The following CSMD1 variants were observed in gnomAD, a reference collection of about 807,000 sequenced individuals.
CSMD1 encodes the protein CUB and Sushi multiple domains 1, also known as CUB and sushi domain-containing protein 1.
CSMD1 carries 213 observed loss-of-function variants against 417.5 expected under a neutral mutation model. The observed-to-expected ratio is 0.51, with a 90% CI of 0.46 to 0.57. The LOEUF (loss-of-function observed/expected upper bound fraction) is 0.57, where lower values mean the gene tolerates loss of function less well. CSMD1 is among the 20% of genes least tolerant of loss of function. The probability of loss-of-function intolerance (pLI) is 0.00; values close to 1 mark genes in which losing one functional copy is unlikely to be tolerated. For missense variants in CSMD1, 6,923 were observed against 4,529.7 expected, an observed-to-expected ratio of 1.53 and a Z score of -15.17; for synonymous variants, 2,862 against 1,736.8, an observed-to-expected ratio of 1.65 and a Z score of -16.11.
chr8:3,926,586 C>A (rs750651578), intron 5 of CSMD1, among the ~76,000 whole-genome samples: 1 of 151,332 alleles, frequency 6.6e-6, no homozygotes, highest in Non-Finnish European at 1.5e-5. Context: ...ACATTTATTT[C>A]TGGTTAATTT....
intron 1 of CSMD1, among the ~76,000 whole-genome samples, chr8:4,853,576 G>A (rs1396685407): frequency 6.6e-6 from 1 of 152,224 alleles, no homozygotes; most frequent in African/African-American, 2.4e-5. Flanking sequence ...CAAAGGTAGA[G>A]TCCCACACAG....
intron 12 of CSMD1, among the ~76,000 whole-genome samples, chr8:3,439,131 A>C (rs1232512773): frequency 1.6e-5 from 2 of 123,634 alleles, no homozygotes; most frequent in African/African-American, 7.0e-5. Flanking sequence ...TCAAAAAAAA[A>C]AAAAAAAAAA....
intron 2 of CSMD1, among the ~76,000 whole-genome samples, chr8:4,628,889 C>A (rs1417271683): frequency 2.0e-5 from 3 of 152,058 alleles, no homozygotes; most frequent in Non-Finnish European, 2.9e-5. Flanking sequence ...TTTTTACACG[C>A]CTTTTATTAA....
At chr8:4,359,390 A>G in intron 3 of CSMD1, among the ~76,000 whole-genome samples, 1 of 152,222 alleles carries the variant, frequency 6.6e-6, no homozygotes, top group Non-Finnish European at 1.5e-5. Flanking sequence ...GTTTAAACTC[A>G]CAATAACATA....
At chr8:3,079,320 T>A (rs887066191) in intron 49 of CSMD1, among the ~76,000 whole-genome samples, 2 of 152,178 alleles carry the variant, frequency 1.3e-5, no homozygotes, top group Admixed American at 6.5e-5. Context: ...TGTGTCTATA[T>A]ATAAAGAGAG....
intron 11 of CSMD1, among the ~76,000 whole-genome samples, chr8:3,491,248 T>C (rs1321077167): frequency 6.6e-6 from 1 of 152,190 alleles, no homozygotes; most frequent in Admixed American, 6.5e-5. Flanking sequence ...ATCACATCAC[T>C]GAGTTGGAAT....
chr8:3,570,191 C>A (rs1799886802), intron 10 of CSMD1, among the ~76,000 whole-genome samples: 1 of 152,102 alleles, frequency 6.6e-6, no homozygotes, highest in Non-Finnish European at 1.5e-5. Context: ...AGCCATAAAA[C>A]TAAAGTAAAA....
intron 5 of CSMD1, among the ~76,000 whole-genome samples, chr8:3,916,329 A>T (rs1477573280): frequency 6.6e-6 from 1 of 152,182 alleles, no homozygotes; most frequent in African/African-American, 2.4e-5. Flanking sequence ...CCGGATATTT[A>T]TATAGCATGA....
intron 5 of CSMD1, among the ~76,000 whole-genome samples, chr8:3,974,006 A>T (rs1813251329): frequency 6.6e-6 from 1 of 152,152 alleles, no homozygotes; most frequent in South Asian, 2.1e-4. Flanking sequence ...ATGCAATTAC[A>T]CTCTTTAAGT....
At chr8:3,090,179 C>T (rs987587826) in intron 48 of CSMD1, among the ~76,000 whole-genome samples, 20 of 151,696 alleles carry the variant, frequency 1.3e-4, no homozygotes, top group Admixed American at 4.6e-4. Flanking sequence ...TAGCCGGGCG[C>T]GGTGGCGGGC....
At chr8:3,208,633 G>T (rs931574468) in intron 30 of CSMD1, among the ~76,000 whole-genome samples, 3 of 152,122 alleles carry the variant, frequency 2.0e-5, no homozygotes, top group Non-Finnish European at 2.9e-5. Flanking sequence ...TATTGATCCT[G>T]GGTATGTCTG....
intron 49 of CSMD1, among the ~76,000 whole-genome samples, chr8:3,059,632 C>T (rs1812459074): frequency 6.6e-6 from 1 of 152,076 alleles, no homozygotes; most frequent in Non-Finnish European, 1.5e-5. Flanking sequence ...CCTGATAAAA[C>T]CCTCTGGTTG....
intron 2 of CSMD1, among the ~76,000 whole-genome samples, chr8:4,514,293 A>G (rs1434448339): frequency 1.3e-5 from 2 of 152,050 alleles, no homozygotes; most frequent in Non-Finnish European, 2.9e-5. Flanking sequence ...CACTCTTATT[A>G]TCTCATTTAA....
chr8:4,085,892 T>A (rs1800393417), intron 3 of CSMD1, among the ~76,000 whole-genome samples: 1 of 152,134 alleles, frequency 6.6e-6, no homozygotes, highest in Non-Finnish European at 1.5e-5. Context: ...GTACTCTAGT[T>A]TTGTGAGATG....
chr8:3,922,083 T>C (rs1045979234), intron 5 of CSMD1, among the ~76,000 whole-genome samples: 5 of 152,170 alleles, frequency 3.3e-5, no homozygotes, highest in African/African-American at 9.7e-5. Flanking sequence ...GCATATATAA[T>C]TTTATATAGT....
chr8:3,593,909 T>G (rs987148588), intron 8 of CSMD1, among the ~76,000 whole-genome samples: 1 of 152,196 alleles, frequency 6.6e-6, no homozygotes, highest in African/African-American at 2.4e-5. Context: ...AACACTGCTT[T>G]TTCCCAATAC....
At position 4,861,248 on chromosome 8, in the gene CSMD1, C is replaced by T. The variant is rs561534842; in HGVS notation, c.85+133084G>A. Among the ~76,000 whole-genome samples the T allele has an allele frequency of 5.9e-5, 9 of 152,186 alleles. No homozygotes were observed. The East Asian group carries it at 7.7e-4, about 13-fold the overall frequency. ...TTCTGTAGACAGTAATATATCTCTGCGGCTATACATTCAGAAAGTCACAGC... is the reference window on the plus strand; with the variant it reads ...TTCTGTAGACAGTAATATATCTCTGTGGCTATACATTCAGAAAGTCACAGC... On this transcript the variant is annotated intron_variant, in intron 1 of 69. Coordinates refer to ENST00000635120, the MANE Select transcript of CSMD1 (RefSeq NM_033225.6).
chr8:4,734,552 G>C (rs915346131), intron 1 of CSMD1, among the ~76,000 whole-genome samples: 3 of 152,150 alleles, frequency 2.0e-5, no homozygotes, highest in Non-Finnish European at 4.4e-5. Flanking sequence ...TGGTAGCGAA[G>C]TATAAGTAAA....
intron 37 of CSMD1, among the ~76,000 whole-genome samples, chr8:3,174,260 G>A (rs1041669332): frequency 2.0e-5 from 3 of 152,218 alleles, no homozygotes; most frequent in South Asian, 2.1e-4. Flanking sequence ...TTGGGAGGCT[G>A]AGGTGCAAAG....
Sources: allele counts gnomAD v4.1 joint callset (sites outside exome capture counted in the v4.1 genomes callset), GRCh38; gene constraint gnomAD v4.1.1; transcripts MANE v1.5; gene names NCBI Gene and HGNC (gene_info 2026-07-23, HGNC 2026-07-21).